The following YJU2B variants were observed in gnomAD, a reference collection of about 807,000 sequenced individuals.
YJU2B encodes probable splicing factor YJU2B.
YJU2B carries 18 observed loss-of-function variants against 38.0 expected under a neutral mutation model. The ratio of observed to expected loss-of-function variants is 0.47; its 90% confidence interval spans 0.33 to 0.70. YJU2B has a LOEUF of 0.70. Ranked by LOEUF, YJU2B falls within the 30% of genes least tolerant of loss-of-function variation. The pLI is 0.02. For synonymous variants in YJU2B, 246 were observed against 225.4 expected, an observed-to-expected ratio of 1.09 and a Z score of -0.82; for missense variants, 538 against 556.3, an observed-to-expected ratio of 0.97 and a Z score of 0.33.
intron 2 of YJU2B, among the ~76,000 whole-genome samples, chr19:13,741,971 G>T (rs1973106278): frequency 6.6e-6 from 1 of 152,104 alleles, no homozygotes; most frequent in Non-Finnish European, 1.5e-5. Flanking sequence ...TTAACCACTG[G>T]CAAAGAGAAA....
At position 13,741,040 on chromosome 19, in the gene YJU2B, G is replaced by A. The variant is rs541615825; in HGVS notation, c.-202+8755G>A. On this transcript the variant is annotated intron_variant, in intron 2 of 10. Coordinates refer to the YJU2B transcript ENST00000586600. Reference sequence around the variant, plus strand: ...TCTATACTTTGGGGTAATTTGTTACGCAACCAGAGATAAGTAATATATTGT... The same window carrying A: ...TCTATACTTTGGGGTAATTTGTTACACAACCAGAGATAAGTAATATATTGT... Among the ~76,000 whole-genome samples the A allele has an allele frequency of 3.7e-4, 56 of 152,190 alleles. 1 individual carries two copies. The highest frequency in any genetic ancestry group is 1.3e-3 in the African/African-American group (53 of 41,508).
chr19:13,753,118 G>T (rs1310499558), intron 2 of YJU2B, among the ~76,000 whole-genome samples: 1 of 152,130 alleles, frequency 6.6e-6, no homozygotes, highest in East Asian at 1.9e-4. Flanking sequence ...ATGACAATGG[G>T]TTTTTTGCCC....
At chr19:13,747,490 G>C (rs1021038821), upstream of YJU2B, among the ~76,000 whole-genome samples, 16 of 152,178 alleles carry the variant, frequency 1.1e-4, no homozygotes, top group Admixed American at 5.2e-4. Flanking sequence ...TTTTTCTTGA[G>C]ACGGAGTCTT....
upstream of YJU2B, among the ~76,000 whole-genome samples, chr19:13,746,890 G>A (rs904206611): frequency 6.6e-6 from 1 of 151,786 alleles, no homozygotes; most frequent in Non-Finnish European, 1.5e-5. Context: ...CTGGACCACA[G>A]AGCAAGACTC....
At position 13,737,245 on chromosome 19, in the gene YJU2B, G is replaced by A. The variant is rs537675197; in HGVS notation, c.-202+4960G>A. On this transcript the variant is annotated intron_variant, in intron 2 of 10. Transcript: ENST00000586600. Reference sequence around the variant, plus strand: ...TCACTATGTTTCACAGGCTGGTCTTGAACCCCTGGGCTCAAGGGATCCTCC... The same window carrying A: ...TCACTATGTTTCACAGGCTGGTCTTAAACCCCTGGGCTCAAGGGATCCTCC... Among the ~76,000 whole-genome samples the A allele has an allele frequency of 2.6e-5, 4 of 152,038 alleles. No homozygotes were observed. The South Asian group carries it at 8.3e-4, about 32-fold the overall frequency.
chr19:13,750,398 T>C (rs925206000), intron 1 of YJU2B, among the ~76,000 whole-genome samples: 1 of 152,126 alleles, frequency 6.6e-6, no homozygotes, highest in African/African-American at 2.4e-5. Context: ...GGCTAATTTT[T>C]GTATTTTTAG....
At chr19:13,751,503 GTGA>G (rs1973462063) in intron 1 of YJU2B, 102 bp from the exon 2 acceptor site, 3 of 401,972 alleles carry the variant, frequency 7.5e-6, no homozygotes, top group Non-Finnish European at 1.4e-5. Context: ...GCCCACGTGA[GTGA>G]TGATGGGTGC....
chr19:13,742,294 C>CTTTTTTTTTTTTT (rs552865402), intron 2 of YJU2B, among the ~76,000 whole-genome samples: 9 of 111,976 alleles, frequency 8.0e-5, no homozygotes, highest in African/African-American at 2.9e-4. Context: ...TTGAGTCCCA[C>CTTTTTTTTTTTTT]TTTTTTTTTT....
intron 8 of YJU2B, chr19:13,759,587 C>A (rs907595091): frequency 1.1e-4 from 23 of 210,290 alleles, no homozygotes; most frequent in South Asian, 1.9e-4. Flanking sequence ...CCACCCCCCC[C>A]CTCCCCCAGC....
intron 2 of YJU2B, among the ~76,000 whole-genome samples, chr19:13,735,916 G>T (rs1972931639): frequency 6.6e-6 from 1 of 151,954 alleles, no homozygotes; most frequent in Non-Finnish European, 1.5e-5. Context: ...GCCGGGCGTG[G>T]TGGGGGGCAC....
chr19:13,747,762 G>C (rs2145115946), upstream of YJU2B: 1 of 152,520 alleles, frequency 6.6e-6, no homozygotes, highest in South Asian at 2.1e-4. Context: ...GGTTGGGCGG[G>C]GCATTCCTGG....
exon 1 of YJU2B, chr19:13,731,859 A>T (rs1972828056): frequency 6.6e-6 from 1 of 152,282 alleles, no homozygotes; most frequent in African/African-American, 2.4e-5. Flanking sequence ...GAGGGATAAG[A>T]AAACTTCTCT....
At chr19:13,753,684 TAACA>T (rs1274622739) in intron 2 of YJU2B, among the ~76,000 whole-genome samples, 1 of 151,404 alleles carries the variant, frequency 6.6e-6, no homozygotes, top group African/African-American at 2.4e-5. Flanking sequence ...TCAGGAAACT[TAACA>T]ATCATGGCAG....
At chr19:13,741,883 T>A (rs938641228) in intron 2 of YJU2B, among the ~76,000 whole-genome samples, 14 of 152,200 alleles carry the variant, frequency 9.2e-5, no homozygotes, top group African/African-American at 3.1e-4. Context: ...ATTTGACTGA[T>A]GAAAACTTCT....
At chr19:13,731,992 T>C (rs969303534) in intron 1 of YJU2B, 3 of 152,250 alleles carry the variant, frequency 2.0e-5, no homozygotes, top group African/African-American at 7.2e-5. Flanking sequence ...CCAGCCTCAG[T>C]TTCCCCATTT....
chr19:13,746,216 C>T (rs1973245896), upstream of YJU2B, among the ~76,000 whole-genome samples: 1 of 151,736 alleles, frequency 6.6e-6, no homozygotes, highest in Admixed American at 6.6e-5. Flanking sequence ...CACACCACTG[C>T]ACTCCAGCCT....
At chr19:13,750,625 C>T (rs928529534) in intron 1 of YJU2B, among the ~76,000 whole-genome samples, 2 of 151,808 alleles carry the variant, frequency 1.3e-5, no homozygotes, top group African/African-American at 4.8e-5. Flanking sequence ...TTGGGAGGCC[C>T]TAGGTGTGTG....
chr19:13,759,128 G>A lies in YJU2B; in HGVS notation c.429G>A (p.Thr143=), dbSNP rs36032996. ...ATGAGAAGAAGCAGAAGCTGGAGAC[G>A]GACGCCATGTTCCGGCTGGAGCATG... ...TEHEKKQKLE[T]DAMFRLEHGE... is the part of the protein sequence containing the mutation. Residue 143 remains threonine, a synonymous_variant, in exon 8 of 10, where the codon ACG becomes ACA. Coordinates refer to ENST00000221554, the MANE Select transcript of YJU2B (RefSeq NM_030818.4). 1.5e-3 allele frequency: 2,391 copies of A among 1,613,710 alleles called. 25 individuals carry two copies. The African/African-American group carries it at 0.018, about 12-fold the overall frequency.
Position 13,757,489 on chromosome 19 carries a change from C to T in YJU2B, c.196+16C>T, listed in dbSNP as rs372094950. 4.3e-6 allele frequency: 7 copies of T among 1,610,474 alleles called. No individual in the cohort carries two copies. The highest frequency in any genetic ancestry group is 5.9e-6 in the Non-Finnish European group (7 of 1,177,084). The stretch of plus-strand genomic sequence containing the variant: ...ATCGGCATGGGTGAGCCTCTGCCCA[C>T]CCTCCATTCAGTCCTGCAAACATCA... On this transcript the variant is annotated intron_variant, in intron 5 of 9. Transcript: ENST00000221554.
Sources: allele counts gnomAD v4.1 joint callset (sites outside exome capture counted in the v4.1 genomes callset), GRCh38; gene constraint gnomAD v4.1.1; transcripts MANE v1.5; gene names NCBI Gene and HGNC (gene_info 2026-07-23, HGNC 2026-07-21).